The following P2RX3 variants were observed in gnomAD, a reference collection of about 807,000 sequenced individuals.
P2RX3 encodes purinergic receptor P2X 3, also known as P2X purinoceptor 3.
Under a neutral mutation model 51.5 loss-of-function variants are expected in P2RX3, and 41 were observed. The ratio of observed to expected loss-of-function variants is 0.80; its 90% CI spans 0.62 to 1.03. The LOEUF is 1.03. P2RX3 is among the 50% of genes least tolerant of loss of function. P2RX3 has a pLI of 0.00. For missense variants in P2RX3, 459 were observed against 522.1 expected (o/e 0.88, Z 1.18); for synonymous variants, 185 against 191.6 (o/e 0.97, Z 0.29).
Position 57,347,446 on chromosome 11 carries a change from G to A in P2RX3, c.359G>A (p.Ser120Asn). Residue 120 changes from serine (S) to asparagine (N), a missense_variant, in exon 4 of 12, where the codon AGC (serine) becomes AAC (asparagine). Physicochemically the swap from Ser to Asn is conservative, Grantham distance 46. Coordinates refer to ENST00000263314, the MANE Select transcript of P2RX3 (RefSeq NM_002559.5). ...SEEKYRCVSDSQCGPERLPGG... is the reference protein window; with the variant it reads ...SEEKYRCVSDNQCGPERLPGG... The stretch of plus-strand genomic sequence containing the variant: ...GAGAAATACCGCTGTGTATCAGACA[G>A]CCAGTGCGGGCCTGAGCGCTTGCCA... 2.6e-6 allele frequency: 4 copies of A among 1,558,924 alleles called. No homozygotes were observed. Among genetic ancestry groups the A allele is most frequent in the Non-Finnish European group, 2.6e-6 (3 of 1,150,998 alleles).
intron 1 of P2RX3, among the ~76,000 whole-genome samples, chr11:57,346,293 A>C (rs182036948): frequency 1.2e-4 from 19 of 152,356 alleles, no homozygotes; most frequent in African/African-American, 4.3e-4. Context: ...TCAAAGTTTC[A>C]TGGAGGGGGG....
chr11:57,348,315 T>C, intron 5 of P2RX3, 52 bp downstream of exon 5: 4 of 1,488,004 alleles, frequency 2.7e-6, no homozygotes, highest in Non-Finnish European at 3.7e-6. Flanking sequence ...CAGCTCCCCT[T>C]TGCCCATGTG....
chr11:57,350,298 T>C, intron 7 of P2RX3: 1 of 148,924 alleles, frequency 6.7e-6, no homozygotes, highest in Non-Finnish European at 1.4e-5. Flanking sequence ...GCCACAACCT[T>C]TTTTTTTTTT....
At chr11:57,358,172 A>G (rs956151479) in intron 8 of P2RX3, among the ~76,000 whole-genome samples, 6 of 152,230 alleles carry the variant, frequency 3.9e-5, no homozygotes, top group Non-Finnish European at 8.8e-5. Flanking sequence ...TCAGCTCAGC[A>G]TGGGGAAGTA....
intron 2 of P2RX3, 26 bp from the exon 3 acceptor site, chr11:57,347,090 T>C: frequency 6.2e-7 from 1 of 1,605,700 alleles, no homozygotes; most frequent in South Asian, 1.1e-5. Context: ...GTTGGATGTT[T>C]TTCTCTCCCT....
chr11:57,368,203 G>A (rs1439440109), intron 9 of P2RX3, 101 bp downstream of exon 9: 5 of 1,375,652 alleles, frequency 3.6e-6, no homozygotes, highest in Non-Finnish European at 5.2e-6. Context: ...GTCTGCTGCT[G>A]GCCAGCTTTG....
In P2RX3 at chr11:57,371,032, T is replaced by G. The variant is rs929055778; in HGVS notation, c.*1035T>G. Among the ~76,000 whole-genome samples the G allele has an allele frequency of 1.1e-4, 16 of 152,238 alleles. No homozygotes were observed. The highest frequency in any genetic ancestry group is 5.2e-4 in the Admixed American group (8 of 15,282). On this transcript the variant is annotated 3_prime_UTR_variant, in exon 12 of 12. Coordinates refer to ENST00000263314, the MANE Select transcript of P2RX3 (RefSeq NM_002559.5). The stretch of plus-strand genomic sequence containing the variant: ...TCTAAGGTTAGAAGCTAAAGGGGCC[T>G]TTTAAACCATCTTATCTAACCCTCT...
rs75119928 is a variant in P2RX3 at position 57,356,183 on chromosome 11, G to A, written c.842+5285G>A. 0.013 allele frequency among the ~76,000 whole-genome samples: 2,043 copies of A among 152,236 alleles called. 125 individuals carry two copies. The East Asian group carries it at 0.17, about 13-fold the overall frequency. ...CAGAAAGATTTCAAAACTTGCCTGA[G>A]ATTATACAGCCTAATTAAGAGGCAC... is the stretch of plus-strand genomic sequence containing the variant. On this transcript the variant is annotated intron_variant, in intron 8 of 11. Transcript: ENST00000263314.
At chr11:57,337,231 G>T (rs1361470309), upstream of P2RX3, among the ~76,000 whole-genome samples, 1 of 147,724 alleles carries the variant, frequency 6.8e-6, no homozygotes, top group Non-Finnish European at 1.5e-5. Context: ...GGCAGAGGTT[G>T]CAGTGAGCTG....
intron 1 of P2RX3, among the ~76,000 whole-genome samples, chr11:57,339,575 G>T (rs925244941): frequency 1.1e-4 from 16 of 152,152 alleles, no homozygotes; most frequent in African/African-American, 3.9e-4. Context: ...GGCTGGGGAA[G>T]AATGCAGGTC....
intron 1 of P2RX3, among the ~76,000 whole-genome samples, chr11:57,345,654 T>C (rs1368330377): frequency 2.0e-5 from 3 of 152,104 alleles, no homozygotes; most frequent in Non-Finnish European, 4.4e-5. Flanking sequence ...AGGCACTTTA[T>C]AGGAAAGCAG....
rs1211808029 is a variant in P2RX3, at chr11:57,372,202, G to A, written c.*2205G>A. On this transcript the variant is annotated 3_prime_UTR_variant, in exon 12 of 12. Coordinates refer to ENST00000263314, the MANE Select transcript of P2RX3 (RefSeq NM_002559.5). Reference sequence around the variant, plus strand: ...TGATAGAAAAAGAAATTTACAGTACGTGGAAATGAGATCTGGAACCTATGC... The same window carrying A: ...TGATAGAAAAAGAAATTTACAGTACATGGAAATGAGATCTGGAACCTATGC... Among the ~76,000 whole-genome samples, 2 of 152,170 alleles carry A rather than the reference G, an allele frequency of 1.3e-5. No individual in the cohort carries two copies. The highest frequency in any genetic ancestry group is 6.5e-5 in the Admixed American group (1 of 15,284).
intron 8 of P2RX3, among the ~76,000 whole-genome samples, chr11:57,365,888 C>T (rs778072318): frequency 1.3e-5 from 2 of 152,218 alleles, no homozygotes; most frequent in African/African-American, 2.4e-5. Context: ...ATTTCCTTCT[C>T]TCTGTTGTAC....
rs1243929366 is a variant in P2RX3 at position 57,356,276 on chromosome 11, GCC to G, written c.842+5379_842+5380del. Among the ~76,000 whole-genome samples the G allele has an allele frequency of 4.0e-5, 6 of 151,814 alleles. No homozygotes were observed. In the South Asian group the frequency reaches 1.3e-3, roughly 32 times the overall value. ...CCAGCATGCCTTGCGCCATCACATG[GCC>G]TGCAAAAAAGGGGAAAAAAAAATAG... On this transcript the variant is annotated intron_variant, in intron 8 of 11. Coordinates refer to ENST00000263314, the MANE Select transcript of P2RX3 (RefSeq NM_002559.5).
At chr11:57,359,237 G>A (rs886863440) in intron 8 of P2RX3, among the ~76,000 whole-genome samples, 2 of 152,182 alleles carry the variant, frequency 1.3e-5, no homozygotes, top group South Asian at 2.1e-4. Context: ...GGGAAGCAGC[G>A]AGCAGATACA....
intron 4 of P2RX3, 76 bp from the exon 5 acceptor site, chr11:57,348,094 G>A (rs1201531516): frequency 2.3e-6 from 3 of 1,304,948 alleles, no homozygotes; most frequent in Non-Finnish European, 3.2e-6. Context: ...CTGATGGGGG[G>A]AAGGGAAGAG....
chr11:57,351,646 T>G (rs1252112528), intron 8 of P2RX3, among the ~76,000 whole-genome samples: 1 of 152,254 alleles, frequency 6.6e-6, no homozygotes, highest in Non-Finnish European at 1.5e-5. Flanking sequence ...TCTTCAGGAT[T>G]CAATTAACCA....
intron 8 of P2RX3, among the ~76,000 whole-genome samples, chr11:57,360,375 G>A (rs1364121879): frequency 6.6e-6 from 1 of 152,194 alleles, no homozygotes; most frequent in Non-Finnish European, 1.5e-5. Context: ...GCAGGAGGGA[G>A]CCCTGAGGAC....
Position 57,350,766 on chromosome 11 carries a change from G to A in P2RX3, c.710G>A (p.Gly237Glu). The change falls in exon 8 of 12, where the codon GGA becomes GAA. Residue 237 changes from glycine (G) to glutamate (E), a missense_variant. Gly to Glu is a moderately conservative substitution (Grantham distance 98). Coordinates refer to ENST00000263314, the MANE Select transcript of P2RX3 (RefSeq NM_002559.5). ...QDFAKLARTG[G>E]VLGIKIGWVC... ...ATACCCGGCCCGTTTCTTCAGGGGG[G>A]AGTTCTGGGCATTAAGATCGGCTGG... The A allele has an allele frequency of 6.2e-7, 1 of 1,614,006 alleles. No homozygotes were observed. The highest frequency in any genetic ancestry group is 8.5e-7 in the Non-Finnish European group (1 of 1,179,992).
Sources: allele counts gnomAD v4.1 joint callset (sites outside exome capture counted in the v4.1 genomes callset), GRCh38; gene constraint gnomAD v4.1.1; transcripts MANE v1.5; gene names NCBI Gene and HGNC (gene_info 2026-07-23, HGNC 2026-07-21).